Variants in RGS7 observed in about 807,000 individuals in gnomAD.
RGS7 encodes the protein regulator of G-protein signaling 7.
RGS7 carries 27 observed loss-of-function variants against 81.1 expected under a neutral mutation model. The observed-to-expected ratio is 0.33, with a 90% CI of 0.25 to 0.46. The LOEUF (loss-of-function observed/expected upper bound fraction) is 0.46. Among genes scored for constraint, RGS7 ranks in the 20% least tolerant of loss-of-function variants. The pLI is 1.00. For synonymous variants in RGS7, 208 were observed against 207.7 expected (o/e 1.00, Z -0.01); for missense variants, 396 against 607.4 (o/e 0.65, Z 3.66).
chr1:241,316,493 C>T (rs900186105), intron 2 of RGS7, among the ~76,000 whole-genome samples: 1 of 152,174 alleles, frequency 6.6e-6, no homozygotes. Context: ...ATACTTAATA[C>T]TTTGGAGATT....
intron 2 of RGS7, among the ~76,000 whole-genome samples, chr1:241,316,821 A>G (rs2080907509): frequency 1.3e-5 from 2 of 152,172 alleles, no homozygotes; most frequent in Non-Finnish European, 2.9e-5. Context: ...TCAGAAGATG[A>G]ATGTCAAAAT....
intron 9 of RGS7, among the ~76,000 whole-genome samples, chr1:240,855,603 T>C (rs1660963869): frequency 6.6e-6 from 1 of 151,936 alleles, no homozygotes; most frequent in African/African-American, 2.4e-5. Context: ...TCATTTTGAG[T>C]TATACAATAT....
chr1:240,842,762 C>CCTTT (rs1416245889), intron 9 of RGS7, among the ~76,000 whole-genome samples: 2 of 151,880 alleles, frequency 1.3e-5, no homozygotes, highest in Non-Finnish European at 2.9e-5. Flanking sequence ...TTCCTTCCTT[C>CCTTT]CTTCCTTCCT....
At chr1:241,047,563 A>T (rs2060999858) in intron 3 of RGS7, among the ~76,000 whole-genome samples, 1 of 152,142 alleles carries the variant, frequency 6.6e-6, no homozygotes, top group African/African-American at 2.4e-5. Context: ...TATGAAATAC[A>T]ACATAACATA....
rs58974339 is a variant in RGS7, at chr1:240,915,638, A to G, written c.385+15079T>C. ...CCAGATAAACATAAAACCTCACAGTAATGGCCTGTATGCCTCATTTATTTA... is the reference window on the plus strand; with the variant it reads ...CCAGATAAACATAAAACCTCACAGTGATGGCCTGTATGCCTCATTTATTTA... On this transcript the variant is annotated intron_variant, in intron 6 of 18. Transcript: ENST00000440928. Among the ~76,000 whole-genome samples the G allele has an allele frequency of 6.1e-3, 922 of 152,296 alleles. 14 individuals are homozygous for G. The highest frequency in any genetic ancestry group is 0.021 in the African/African-American group (872 of 41,556).
In RGS7 at chr1:240,873,515, T is replaced by C. The variant is rs934336258; in HGVS notation, c.386-3396A>G. Reference sequence around the variant, plus strand: ...CTAAGAAAGCTCCATAGATAAGGCATAGATTTTGGCCCAAATGCAACTTAG... The same window carrying C: ...CTAAGAAAGCTCCATAGATAAGGCACAGATTTTGGCCCAAATGCAACTTAG... On this transcript the variant is annotated intron_variant, in intron 6 of 18. Transcript: ENST00000440928. 2.6e-5 allele frequency among the ~76,000 whole-genome samples: 4 copies of C among 152,312 alleles called. No individual in the cohort carries two copies. The East Asian group carries it at 5.8e-4, about 22-fold the overall frequency.
intron 2 of RGS7, among the ~76,000 whole-genome samples, chr1:241,167,952 G>A (rs1236482063): frequency 5.3e-5 from 8 of 152,114 alleles, no homozygotes; most frequent in Admixed American, 5.2e-4. Context: ...AAAACATCTT[G>A]GAGCAAAGCC....
intron 11 of RGS7, among the ~76,000 whole-genome samples, chr1:240,815,530 AT>A (rs1690662408): frequency 6.6e-6 from 1 of 152,180 alleles, no homozygotes; most frequent in Non-Finnish European, 1.5e-5. Flanking sequence ...TTTATCAACA[AT>A]TCATGACAAA....
chr1:241,256,432 T>C (rs745672354), intron 2 of RGS7, among the ~76,000 whole-genome samples: 14 of 152,196 alleles, frequency 9.2e-5, no homozygotes, highest in South Asian at 6.2e-4. Flanking sequence ...CTGTCAATCA[T>C]TGAGGATGAG....
At chr1:241,078,010 G>A (rs1165712876) in intron 3 of RGS7, among the ~76,000 whole-genome samples, 1 of 151,406 alleles carries the variant, frequency 6.6e-6, no homozygotes, top group Non-Finnish European at 1.5e-5. Context: ...ACTTATTGGA[G>A]AGAGAGAGAT....
chr1:241,142,303 C>T (rs189990686), intron 2 of RGS7, among the ~76,000 whole-genome samples: 27 of 152,320 alleles, frequency 1.8e-4, no homozygotes, highest in Admixed American at 1.5e-3. Context: ...GGCAAGGCCC[C>T]AGTAGGGACT....
At chr1:240,815,549 A>G (rs1267646054) in intron 11 of RGS7, among the ~76,000 whole-genome samples, 1 of 152,208 alleles carries the variant, frequency 6.6e-6, no homozygotes, top group Non-Finnish European at 1.5e-5. Flanking sequence ...AAATGCTCAC[A>G]TGGAATAATC....
intron 5 of RGS7, among the ~76,000 whole-genome samples, chr1:240,934,745 ACT>A (rs982583369): frequency 2.0e-5 from 3 of 151,454 alleles, no homozygotes; most frequent in South Asian, 2.1e-4. Context: ...GAACTTGACA[ACT>A]CTCTGTCTAT....
chr1:240,944,598 G>A (rs1470550959), intron 4 of RGS7, among the ~76,000 whole-genome samples: 2 of 151,986 alleles, frequency 1.3e-5, no homozygotes, highest in African/African-American at 4.8e-5. Context: ...AAATCAGAGA[G>A]AGCACACACT....
chr1:241,183,130 C>T (rs540314229), intron 2 of RGS7, among the ~76,000 whole-genome samples: 1 of 152,102 alleles, frequency 6.6e-6, no homozygotes, highest in Admixed American at 6.6e-5. Flanking sequence ...CATTAGAGAT[C>T]GCCCAAATAC....
chr1:241,049,078 C>T (rs1033208435), intron 3 of RGS7, among the ~76,000 whole-genome samples: 3 of 152,308 alleles, frequency 2.0e-5, no homozygotes, highest in Middle Eastern at 3.4e-3. Context: ...TGATCCACCC[C>T]GGTGATCTCA....
intron 3 of RGS7, among the ~76,000 whole-genome samples, chr1:241,033,026 T>A (rs2148735183): frequency 6.6e-6 from 1 of 152,276 alleles, no homozygotes; most frequent in African/African-American, 2.4e-5. Context: ...TATTGATGAA[T>A]TCTTCTTACG....
chr1:240,808,879 A>C (rs1255929361), intron 14 of RGS7, among the ~76,000 whole-genome samples: 7 of 21,268 alleles, frequency 3.3e-4, no homozygotes, highest in Non-Finnish European at 9.6e-4. Context: ...CATCTCTCTT[A>C]AAAAAAAAAA....
chr1:240,866,855 C>T (rs371254681), intron 9 of RGS7, among the ~76,000 whole-genome samples: 33 of 152,150 alleles, frequency 2.2e-4, no homozygotes, highest in African/African-American at 7.2e-4. Context: ...GTGGGCAGTG[C>T]AGGGGAGCTG....
Sources: allele counts gnomAD v4.1 joint callset (sites outside exome capture counted in the v4.1 genomes callset), GRCh38; gene constraint gnomAD v4.1.1; transcripts MANE v1.5; gene names NCBI Gene and HGNC (gene_info 2026-07-23, HGNC 2026-07-21).